The following SH3GL2 variants were observed in gnomAD, a reference collection of about 807,000 sequenced individuals.
The protein encoded by SH3GL2 is SH3 domain containing GRB2 like 2, endophilin A1, also known as endophilin-A1.
A neutral mutation model predicts 46.0 loss-of-function variants in SH3GL2; 24 were observed. The observed-to-expected ratio is 0.52, with a 90% CI of 0.38 to 0.73. The LOEUF is 0.73. Ranked by LOEUF, SH3GL2 falls within the 30% of genes least tolerant of loss-of-function variation. SH3GL2 has a pLI of 0.00. For missense variants in SH3GL2, 413 were observed against 424.2 expected, an observed-to-expected ratio of 0.97 and a Z score of 0.23; for synonymous variants, 196 against 147.1, an observed-to-expected ratio of 1.33 and a Z score of -2.40.
At chr9:17,662,703 C>CT (rs559842403) in intron 1 of SH3GL2, among the ~76,000 whole-genome samples, 1,547 of 96,920 alleles carry the variant, frequency 0.016, 30 homozygotes, top group Non-Finnish European at 0.022. Flanking sequence ...TTGGCCAAGT[C>CT]TTTTTTTTTT....
chr9:17,621,525 C>G (rs10124470), intron 1 of SH3GL2, among the ~76,000 whole-genome samples: 8,323 of 152,224 alleles, frequency 0.055, 374 homozygotes, highest in African/African-American at 0.13. Context: ...ATGCCTGATT[C>G]ATACAGAATA....
intron 1 of SH3GL2, among the ~76,000 whole-genome samples, chr9:17,684,101 A>G (rs926293961): frequency 1.3e-4 from 20 of 152,166 alleles, no homozygotes; most frequent in African/African-American, 4.6e-4. Context: ...AAAGCAATCA[A>G]TAGAACCAGA....
At chr9:17,779,035 A>G (rs1823724315) in intron 3 of SH3GL2, among the ~76,000 whole-genome samples, 2 of 152,108 alleles carry the variant, frequency 1.3e-5, no homozygotes, top group Admixed American at 6.6e-5. Context: ...GTAAAGGGCT[A>G]GCCTGCAGAG....
chr9:17,755,315 C>G (rs1269432279), intron 2 of SH3GL2, among the ~76,000 whole-genome samples: 1 of 152,162 alleles, frequency 6.6e-6, no homozygotes, highest in Non-Finnish European at 1.5e-5. Context: ...TTGAACCAAC[C>G]TTGCATCCCA....
chr9:17,771,028 G>A (rs1823464880), intron 3 of SH3GL2, among the ~76,000 whole-genome samples: 1 of 152,258 alleles, frequency 6.6e-6, no homozygotes, highest in Non-Finnish European at 1.5e-5. Context: ...GGTAATGTGT[G>A]TTGTTTGAAG....
At chr9:17,719,218 C>G (rs1821833640) in intron 1 of SH3GL2, among the ~76,000 whole-genome samples, 1 of 152,124 alleles carries the variant, frequency 6.6e-6, no homozygotes, top group Non-Finnish European at 1.5e-5. Flanking sequence ...TTAGTCCTCT[C>G]TTAGCATTAA....
chr9:17,721,083 A>G (rs1212746406), intron 1 of SH3GL2, among the ~76,000 whole-genome samples: 1 of 152,030 alleles, frequency 6.6e-6, no homozygotes, highest in Non-Finnish European at 1.5e-5. Context: ...TCCTCTGGCT[A>G]GTTCCTGCCT....
At chr9:17,701,250 G>C (rs1194658613) in intron 1 of SH3GL2, among the ~76,000 whole-genome samples, 1 of 152,110 alleles carries the variant, frequency 6.6e-6, no homozygotes, top group Non-Finnish European at 1.5e-5. Flanking sequence ...AAAATCTCTT[G>C]CTACAAAATA....
chr9:17,680,465 T>C (rs199686626), intron 1 of SH3GL2, among the ~76,000 whole-genome samples: 10,428 of 152,000 alleles, frequency 0.069, 560 homozygotes, highest in Admixed American at 0.18. Context: ...TCTGTGGGAT[T>C]GGTGGTGATA....
intron 1 of SH3GL2, among the ~76,000 whole-genome samples, chr9:17,694,016 T>A (rs1750736253): frequency 6.6e-6 from 1 of 152,208 alleles, no homozygotes; most frequent in African/African-American, 2.4e-5. Flanking sequence ...TGCCTAATAA[T>A]ATTTTTCAAG....
intron 1 of SH3GL2, among the ~76,000 whole-genome samples, chr9:17,641,040 C>T (rs538409814): frequency 1.3e-4 from 20 of 152,180 alleles, no homozygotes; most frequent in African/African-American, 4.8e-4. Flanking sequence ...TGATTATAAG[C>T]AAGTTGAAAA....
intron 1 of SH3GL2, among the ~76,000 whole-genome samples, chr9:17,718,975 A>G (rs1314967364): frequency 6.6e-6 from 1 of 152,082 alleles, no homozygotes; most frequent in Non-Finnish European, 1.5e-5. Flanking sequence ...TTTACTTTTT[A>G]TCAGGAATTT....
At chr9:17,717,959 G>T (rs891326720) in intron 1 of SH3GL2, among the ~76,000 whole-genome samples, 10 of 152,084 alleles carry the variant, frequency 6.6e-5, no homozygotes, top group Non-Finnish European at 8.8e-5. Context: ...GTGCCAACAG[G>T]GGGTGGAAAC....
At chr9:17,675,460 T>C (rs1229766153) in intron 1 of SH3GL2, among the ~76,000 whole-genome samples, 1 of 152,226 alleles carries the variant, frequency 6.6e-6, no homozygotes, top group Non-Finnish European at 1.5e-5. Context: ...TTACAGGCAT[T>C]TATGTAATAT....
chr9:17,723,593 T>C (rs1821948692), intron 1 of SH3GL2, among the ~76,000 whole-genome samples: 1 of 152,150 alleles, frequency 6.6e-6, no homozygotes, highest in African/African-American at 2.4e-5. Flanking sequence ...TATTTAACCT[T>C]TAATGGAAAG....
At chr9:17,594,213 C>A (rs1396222596) in intron 1 of SH3GL2, among the ~76,000 whole-genome samples, 1 of 152,184 alleles carries the variant, frequency 6.6e-6, no homozygotes, top group Non-Finnish European at 1.5e-5. Context: ...TTCACTCTCA[C>A]ACTCTAAATG....
At chr9:17,700,192 CCTCT>C (rs1386360749) in intron 1 of SH3GL2, among the ~76,000 whole-genome samples, 1 of 152,038 alleles carries the variant, frequency 6.6e-6, no homozygotes, top group African/African-American at 2.4e-5. Flanking sequence ...TCTTGTTTCC[CCTCT>C]CTAAGTTGGT....
chr9:17,631,149 TG>T (rs1819412985), intron 1 of SH3GL2, among the ~76,000 whole-genome samples: 1 of 152,226 alleles, frequency 6.6e-6, no homozygotes, highest in African/African-American at 2.4e-5. Context: ...CAATTATTTT[TG>T]CACCAACCTA....
At chr9:17,770,936 C>G (rs117306552) in intron 3 of SH3GL2, among the ~76,000 whole-genome samples, 2,381 of 152,306 alleles carry the variant, frequency 0.016, 37 homozygotes, top group Non-Finnish European at 0.027. Context: ...AGCAGTCTGA[C>G]TCTACATTGT....
Sources: allele counts gnomAD v4.1 joint callset (sites outside exome capture counted in the v4.1 genomes callset), GRCh38; gene constraint gnomAD v4.1.1; transcripts MANE v1.5; gene names NCBI Gene and HGNC (gene_info 2026-07-23, HGNC 2026-07-21).